Variants in LIMS2 observed in about 807,000 individuals in gnomAD.
The protein encoded by LIMS2 is LIM and senescent cell antigen-like-containing domain protein 2.
In LIMS2, 30 loss-of-function variants were observed where a neutral mutation model predicts 45.3. The observed-to-expected ratio is 0.66, with a 90% CI of 0.50 to 0.90. The LOEUF is 0.90. Ranked by LOEUF, LIMS2 falls within the 40% of genes least tolerant of loss-of-function variation. LIMS2 has a pLI of 0.00. For missense variants in LIMS2, 485 were observed against 468.7 expected (o/e 1.03, Z -0.32); for synonymous variants, 173 against 188.0 (o/e 0.92, Z 0.65).
chr2:127,670,187 C>T (rs1685213941), intron 1 of LIMS2, among the ~76,000 whole-genome samples: 1 of 152,120 alleles, frequency 6.6e-6, no homozygotes, highest in South Asian at 2.1e-4. Context: ...TGGGAATGTT[C>T]ATAGCAGTAT....
upstream of LIMS2, among the ~76,000 whole-genome samples, chr2:127,677,866 C>T (rs930853294): frequency 9.2e-5 from 14 of 152,100 alleles, no homozygotes; most frequent in South Asian, 2.1e-4. The surrounding 1 kb of genome is among the most constrained non-coding windows in gnomAD (Gnocchi z 5.0). Flanking sequence ...TATTACACCC[C>T]GGACTGCCCT....
chr2:127,650,555 C>T (rs1573792227), intron 4 of LIMS2: 1 of 607,638 alleles, frequency 1.6e-6, no homozygotes, highest in East Asian at 2.7e-5. Context: ...CGCTCACGCA[C>T]ACCAAATGGA....
chr2:127,647,738 C>T lies in LIMS2; in HGVS notation c.360-4666G>A, dbSNP rs1683153339. On this transcript the variant is annotated intron_variant, in intron 4 of 9. Transcript: ENST00000355119. The surrounding 1 kb of genome is among the most constrained non-coding windows in gnomAD (Gnocchi z 4.3). The stretch of plus-strand genomic sequence containing the variant: ...CTGAAAACAGCACACCTGTGTGCCC[C>T]TCCCATCTACCATGGGCTGTCCTCT... Among the ~76,000 whole-genome samples, 1 of 152,098 alleles carries T rather than the reference C, an allele frequency of 6.6e-6. No homozygotes were observed.
chr2:127,644,644 T>A (rs60930670), intron 4 of LIMS2, among the ~76,000 whole-genome samples: 74 of 152,332 alleles, frequency 4.9e-4, no homozygotes, highest in African/African-American at 1.7e-3. Context: ...CGAGGAATTA[T>A]TTCTGTCTCA....
chr2:127,644,142 A>G, intron 4 of LIMS2: 1 of 456,002 alleles, frequency 2.2e-6, no homozygotes, highest in Non-Finnish European at 4.4e-6. Context: ...TCTCATCATC[A>G]GCTGTGTGCA....
Position 127,664,654 on chromosome 2 carries a change from G to A in LIMS2, c.12-7092C>T. On this transcript the variant is annotated intron_variant, in intron 1 of 9. Coordinates refer to ENST00000355119, the MANE Select transcript of LIMS2 (RefSeq NM_001161403.3). This position sits in a 1 kb window ranked among gnomAD's most constrained non-coding sequence, Gnocchi z 5.5. ...AGGCTGGCGGGGGTTGGGTCCCGCT[G>A]GGAGGGGACTGGTCTGGGAAGGCCC... 9.4e-7 allele frequency: 1 copy of A among 1,062,430 alleles called. No individual in the cohort carries two copies. Among genetic ancestry groups the A allele is most frequent in the Non-Finnish European group, 1.1e-6 (1 of 875,758 alleles). 65.8% of individuals were successfully genotyped at this position (1,062,430 alleles called of 1,614,324 possible).
At chr2:127,640,217 C>G (rs968822377) in intron 8 of LIMS2, 53 bp downstream of exon 8, 164 of 1,612,454 alleles carry the variant, frequency 1.0e-4, no homozygotes, top group Non-Finnish European at 1.3e-4. Flanking sequence ...ACAGCTGCAG[C>G]ACCCAGGCCC....
chr2:127,649,337 C>T (rs994251860), intron 4 of LIMS2, among the ~76,000 whole-genome samples: 24 of 152,292 alleles, frequency 1.6e-4, no homozygotes, highest in African/African-American at 5.8e-4. Context: ...CCTCCTGCTG[C>T]CACAATGGGC....
chr2:127,654,893 CA>C lies in LIMS2; in HGVS notation c.174del (p.Phe58LeufsTer34). 6.2e-7 allele frequency: 1 copy of C among 1,613,992 alleles called. No individual in the cohort carries two copies. Among genetic ancestry groups the C allele is most frequent in the South Asian group, 1.1e-5 (1 of 91,046 alleles). ...TCGTGTTCGCAGTACTTCCGGCCTTCAAACTGCAAAGGGGTCGCAGAGAGAG... is the reference window on the plus strand; with the variant it reads ...TCGTGTTCGCAGTACTTCCGGCCTTCAACTGCAAAGGGGTCGCAGAGAGAG... ...RPFPEGLFYE[F>X]EGRKYCEHDF... On this transcript the variant is annotated frameshift_variant and splice_region_variant, in exon 3 of 10. Coordinates refer to ENST00000355119, the MANE Select transcript of LIMS2 (RefSeq NM_001161403.3). LOFTEE classifies it high-confidence loss of function.
chr2:127,639,468 AC>A (rs889688729), intron 9 of LIMS2, 40 bp from the exon 10 acceptor site: 84 of 1,604,998 alleles, frequency 5.2e-5, no homozygotes, highest in Non-Finnish European at 7.0e-5. Flanking sequence ...CCCCACGCCC[AC>A]CCCTTTAACC....
At chr2:127,680,762 G>C (rs964784897) in intron 1 of LIMS2, among the ~76,000 whole-genome samples, 1 of 152,182 alleles carries the variant, frequency 6.6e-6, no homozygotes, top group Non-Finnish European at 1.5e-5. Context: ...CTTGGAGTTC[G>C]GGAGGAAAAG....
intron 4 of LIMS2, chr2:127,651,553 G>A (rs77699206): frequency 1.6e-4 from 251 of 1,612,456 alleles, no homozygotes; most frequent in African/African-American, 4.3e-4. Context: ...GCCACCCAGC[G>A]CATCCTGGCC....
In LIMS2 at chr2:127,657,467, T is replaced by C. The variant is rs577806985; in HGVS notation, c.107A>G (p.Tyr36Cys). ...GGCACACACGAAGCAGTGCTCATGG[T>C]ACAGCTCCCCATTGCTGTTGACAAT... ...ERIVNSNGEL[Y>C]HEHCFVCAQC... The change falls in exon 2 of 10, where the codon TAC becomes TGC. Residue 36 changes from tyrosine to cysteine, a missense_variant. Transcript: ENST00000355119. 5 of 1,613,838 alleles carry C rather than the reference T, an allele frequency of 3.1e-6. No homozygotes were observed. The African/African-American group carries it at 6.7e-5, about 21-fold the overall frequency.
chr2:127,649,930 A>G, intron 4 of LIMS2: 2 of 1,185,776 alleles, frequency 1.7e-6, no homozygotes, highest in Non-Finnish European at 2.4e-6. Context: ...TGGTGGATCT[A>G]CTCTGGGAGA....
upstream of LIMS2, among the ~76,000 whole-genome samples, chr2:127,676,302 GA>G (rs1311087080): frequency 4.0e-5 from 6 of 151,752 alleles, no homozygotes; most frequent in African/African-American, 1.5e-4. Flanking sequence ...GTGCCGTTCA[GA>G]AAGATGAGTT....
chr2:127,669,136 T>C (rs1685167335), intron 1 of LIMS2, among the ~76,000 whole-genome samples: 2 of 152,110 alleles, frequency 1.3e-5, no homozygotes, highest in Non-Finnish European at 2.9e-5. Flanking sequence ...CAACTGATTT[T>C]TGACAAGAGT....
intron 4 of LIMS2, chr2:127,651,204 G>A (rs1405561272): frequency 1.9e-6 from 3 of 1,610,424 alleles, no homozygotes; most frequent in Non-Finnish European, 2.5e-6. Context: ...CTTCCTGTGG[G>A]TGGTGGTGGC....
intron 9 of LIMS2, 71 bp from the exon 10 acceptor site, chr2:127,639,499 G>A (rs1466272632): frequency 6.4e-7 from 1 of 1,573,074 alleles, no homozygotes; most frequent in East Asian, 2.2e-5. Flanking sequence ...TGACTGTGGA[G>A]TGGGCTTCCC....
At chr2:127,674,719 C>G in intron 1 of LIMS2, 1 of 985,464 alleles carries the variant, frequency 1.0e-6, no homozygotes, top group Non-Finnish European at 1.2e-6. Flanking sequence ...TTGGACAAGA[C>G]CCCCTCCCGC....
Sources: gnomAD v4.1 joint callset for allele counts (sites outside exome capture counted in the v4.1 genomes callset) on GRCh38, gnomAD v4.1.1 for gene constraint, Gnocchi (gnomAD v3.1) non-coding constraint, MANE v1.5 for transcripts, NCBI Gene and HGNC (gene_info 2026-07-23, HGNC 2026-07-21) for gene names.